The following NBDY variants were observed in gnomAD, a reference collection of about 807,000 sequenced individuals.
NBDY encodes the protein P-body dissociating protein.
intron 2 of NBDY, among the ~76,000 whole-genome samples, chrX:56,758,820 C>T (rs1426000047): frequency 9.0e-6 from 1 of 111,564 alleles, no homozygotes; most frequent in East Asian, 2.8e-4. Context: ...TCAAGCTAAA[C>T]TCTGGTGCTT....
rs151235387 is a variant in NBDY, at chrX:56,791,117, T to G, written c.*167-26203T>G. Among the ~76,000 whole-genome samples the G allele has an allele frequency of 4.2e-3, 477 of 112,753 alleles. 4 individuals carry two copies. Among genetic ancestry groups the G allele is most frequent in the African/African-American group, 0.014 (451 of 31,120 alleles). ...TTGCTCTCAACCTCATTGCTCACTC[T>G]GTTTCTCCGTGTACATTTGGAGTTT... On this transcript the variant is annotated intron_variant, in intron 2 of 2. Transcript: ENST00000374922.
At chrX:56,745,836 A>G (rs2069554738) in intron 2 of NBDY, among the ~76,000 whole-genome samples, 2 of 46,115 alleles carry the variant, frequency 4.3e-5, no homozygotes, top group Admixed American at 3.9e-4. Flanking sequence ...TTGTTTTCCC[A>G]TGATTAGTTT....
At chrX:56,784,425 AG>A (rs1287786090) in intron 2 of NBDY, among the ~76,000 whole-genome samples, 1 of 111,230 alleles carries the variant, frequency 9.0e-6, no homozygotes, top group Non-Finnish European at 1.9e-5. Context: ...CAGGGGTGGG[AG>A]GGGTATTCCA....
intron 2 of NBDY, among the ~76,000 whole-genome samples, chrX:56,762,962 C>T (rs2069645520): frequency 8.9e-6 from 1 of 112,181 alleles, no homozygotes; most frequent in African/African-American, 3.2e-5. Flanking sequence ...CATTCTCCCA[C>T]ACAGACACAT....
chrX:56,785,106 A>G lies in NBDY; in HGVS notation c.*167-32214A>G, dbSNP rs975780697. Reference sequence around the variant, plus strand: ...AGTGTGAACCACTCTCACAAGAGGAACATCAATCTCGGGTGTGGGCCTGCA... The same window carrying G: ...AGTGTGAACCACTCTCACAAGAGGAGCATCAATCTCGGGTGTGGGCCTGCA... On this transcript the variant is annotated intron_variant, in intron 2 of 2. Transcript: ENST00000374922. Among the ~76,000 whole-genome samples the G allele has an allele frequency of 4.5e-5, 5 of 111,242 alleles. No individual in the cohort carries two copies. In the South Asian group the frequency reaches 1.2e-3, roughly 26 times the overall value.
intron 1 of NBDY, among the ~76,000 whole-genome samples, 200 bp downstream of exon 1, chrX:56,729,789 A>G (rs1438484928): frequency 8.0e-5 from 9 of 112,269 alleles, no homozygotes; most frequent in Non-Finnish European, 1.7e-4. Context: ...TATTTGTAAT[A>G]TTTTAGATGA....
chrX:56,799,884 C>T (rs2069813451), intron 2 of NBDY, among the ~76,000 whole-genome samples: 1 of 112,222 alleles, frequency 8.9e-6, no homozygotes, highest in Non-Finnish European at 1.9e-5. Flanking sequence ...GCCTCTCCTA[C>T]CCTCTGGATT....
intron 2 of NBDY, among the ~76,000 whole-genome samples, chrX:56,746,256 G>T (rs999494092): frequency 1.9e-4 from 21 of 110,114 alleles, no homozygotes; most frequent in African/African-American, 6.3e-4. Context: ...CTATGACTTG[G>T]TCACTTTTCT....
At chrX:56,764,615 T>G (rs950505465) in intron 2 of NBDY, among the ~76,000 whole-genome samples, 1 of 106,281 alleles carries the variant, frequency 9.4e-6, no homozygotes, top group Non-Finnish European at 1.9e-5. Context: ...GATGGCAATG[T>G]GGCTCCACAA....
intron 2 of NBDY, among the ~76,000 whole-genome samples, chrX:56,786,732 C>A (rs1185501230): frequency 9.1e-6 from 1 of 109,901 alleles, no homozygotes; most frequent in Non-Finnish European, 1.9e-5. Flanking sequence ...GCTTTTTTTC[C>A]CCCCTTCACT....
intron 2 of NBDY, among the ~76,000 whole-genome samples, chrX:56,764,702 C>CAAAAAAAAAAAAAAAA (rs10623590): frequency 1.6e-5 from 1 of 60,794 alleles, no homozygotes; most frequent in Non-Finnish European, 3.1e-5. Context: ...AAACAAACAC[C>CAAAAAAAAAAAAAAAA]AAAAAAAAAA....
intron 2 of NBDY, among the ~76,000 whole-genome samples, chrX:56,735,232 C>T (rs754055586): frequency 2.7e-5 from 3 of 112,364 alleles, no homozygotes; most frequent in East Asian, 2.8e-4. Flanking sequence ...TCTTAGTCTT[C>T]ATAACAAGCA....
In NBDY at chrX:56,815,990, C is replaced by A. The variant is rs764328271; in HGVS notation, c.*167-1330C>A. Among the ~76,000 whole-genome samples, 9 of 111,116 alleles carry A rather than the reference C, an allele frequency of 8.1e-5. No individual in the cohort carries two copies. In the South Asian group the frequency reaches 2.3e-3, roughly 28 times the overall value. On this transcript the variant is annotated intron_variant, in intron 2 of 2. Coordinates refer to ENST00000374922, the MANE Select transcript of NBDY (RefSeq NM_001348129.2). Reference sequence around the variant, plus strand: ...GTTGTTTTCCTCATTTTAATGCCTTCGTATTATATTTCTAAATATAATTTT... The same window carrying A: ...GTTGTTTTCCTCATTTTAATGCCTTAGTATTATATTTCTAAATATAATTTT...
At chrX:56,752,626 T>A (rs1001445639) in intron 2 of NBDY, among the ~76,000 whole-genome samples, 10 of 111,269 alleles carry the variant, frequency 9.0e-5, no homozygotes, top group African/African-American at 3.3e-4. Context: ...ATTTATTTTT[T>A]TGAGATGGAG....
chrX:56,757,635 T>C (rs1005253525), intron 2 of NBDY, among the ~76,000 whole-genome samples: 2 of 111,074 alleles, frequency 1.8e-5, no homozygotes, highest in African/African-American at 3.3e-5. Context: ...GCTTCCATCA[T>C]TCCTTCTAGA....
At chrX:56,797,273 C>A (rs1185504916) in intron 2 of NBDY, among the ~76,000 whole-genome samples, 1 of 106,327 alleles carries the variant, frequency 9.4e-6, no homozygotes, top group Non-Finnish European at 1.9e-5. Flanking sequence ...TTCTCTCCTT[C>A]TTTTCTATTT....
intron 2 of NBDY, among the ~76,000 whole-genome samples, chrX:56,791,463 G>A (rs922135499): frequency 3.6e-5 from 4 of 111,430 alleles, no homozygotes; most frequent in African/African-American, 1.3e-4. Context: ...GTAGACTTGG[G>A]GCAGGGTAGC....
intron 2 of NBDY, among the ~76,000 whole-genome samples, chrX:56,741,704 A>G (rs1408053196): frequency 9.0e-6 from 1 of 111,360 alleles, no homozygotes; most frequent in East Asian, 2.8e-4. Context: ...ATTTTTTCCT[A>G]TTGAGTTGTT....
intron 2 of NBDY, among the ~76,000 whole-genome samples, chrX:56,793,230 G>A (rs2069773727): frequency 1.8e-5 from 2 of 112,436 alleles, no homozygotes; most frequent in Non-Finnish European, 3.8e-5. Flanking sequence ...AGTGGCCAGC[G>A]CCTTGTCCTG....
Sources: gnomAD v4.1 joint callset for allele counts (sites outside exome capture counted in the v4.1 genomes callset) on GRCh38, gnomAD v4.1.1 for gene constraint, MANE v1.5 for transcripts, NCBI Gene and HGNC (gene_info 2026-07-23, HGNC 2026-07-21) for gene names.